Variants in INSR observed in about 807,000 individuals in gnomAD.
The protein encoded by INSR is insulin receptor, also known as IR.
A neutral mutation model predicts 142.6 loss-of-function variants in INSR; 67 were observed. The observed-to-expected ratio is 0.47, with a 90% CI of 0.39 to 0.58. The LOEUF (loss-of-function observed/expected upper bound fraction) is 0.58, where lower values mean the gene tolerates loss of function less well. Ranked by LOEUF, INSR falls within the 20% of genes least tolerant of loss-of-function variation. The pLI is 0.00. For synonymous variants in INSR, 756 were observed against 743.1 expected (o/e 1.02, Z -0.28); for missense variants, 1,248 against 1,833.2 (o/e 0.68, Z 5.83).
At chr19:7,135,359 A>T (rs1340426823) in intron 13 of INSR, among the ~76,000 whole-genome samples, 1 of 106,704 alleles carries the variant, frequency 9.4e-6, no homozygotes, top group East Asian at 2.9e-4. Context: ...CTTGTCACCC[A>T]GGCTGGAGTG....
rs1356047286 is a variant in INSR, at chr19:7,150,470, A to AC, written c.2267+26dup. The AC allele has an allele frequency of 6.2e-7, 1 of 1,612,456 alleles. No individual in the cohort carries two copies. The highest frequency in any genetic ancestry group is 1.3e-5 in the African/African-American group (1 of 74,930). Reference sequence around the variant, plus strand: ...GCCGCCGGCCCTGCGCGGAGCAGGCACCAGGGGTCGCACAGGTGAGTCATA... The same window carrying AC: ...GCCGCCGGCCCTGCGCGGAGCAGGCACCCAGGGGTCGCACAGGTGAGTCATA... On this transcript the variant is annotated intron_variant, in intron 11 of 21. Coordinates refer to ENST00000302850, the MANE Select transcript of INSR (RefSeq NM_000208.4). The surrounding 1 kb of genome is among the most constrained non-coding windows in gnomAD (Gnocchi z 4.2).
At chr19:7,202,824 T>C (rs1022291250) in intron 2 of INSR, among the ~76,000 whole-genome samples, 4 of 152,234 alleles carry the variant, frequency 2.6e-5, no homozygotes. Flanking sequence ...TTGTTTTTGT[T>C]TTTTTGGTTT....
chr19:7,117,027 C>T lies in INSR; in HGVS notation c.*29G>A. 1 of 1,580,214 alleles carries T rather than the reference C, an allele frequency of 6.3e-7. No individual in the cohort carries two copies. Among genetic ancestry groups the T allele is most frequent in the Middle Eastern group, 1.7e-4 (1 of 6,010 alleles). Reference sequence around the variant, plus strand: ...CCAGAGGAAAGCGAAAATGGGAACCCCTGCCCGCCCCCGCCACGGTAGGCA... The same window carrying T: ...CCAGAGGAAAGCGAAAATGGGAACCTCTGCCCGCCCCCGCCACGGTAGGCA... On this transcript the variant is annotated 3_prime_UTR_variant, in exon 22 of 22. Transcript: ENST00000302850.
In INSR at chr19:7,243,887, G is replaced by A. The variant is rs542244611; in HGVS notation, c.652+23458C>T. ...AGGAAATCTATTAAACATAGATGTC[G>A]GATAATACCATTGTTAAATATTTAA... On this transcript the variant is annotated intron_variant, in intron 2 of 21. Coordinates refer to ENST00000302850, the MANE Select transcript of INSR (RefSeq NM_000208.4). 9.2e-5 allele frequency among the ~76,000 whole-genome samples: 14 copies of A among 152,192 alleles called. No individual in the cohort carries two copies. The East Asian group carries it at 2.1e-3, about 23-fold the overall frequency.
intron 2 of INSR, among the ~76,000 whole-genome samples, chr19:7,242,718 C>T (rs1976393315): frequency 8.8e-6 from 1 of 113,778 alleles, no homozygotes; most frequent in Non-Finnish European, 1.6e-5. Flanking sequence ...GCCTGGGTGA[C>T]ACAGCGAGAC....
At chr19:7,274,564 G>A (rs1286043969) in intron 1 of INSR, among the ~76,000 whole-genome samples, 1 of 151,964 alleles carries the variant, frequency 6.6e-6, no homozygotes, top group Non-Finnish European at 1.5e-5. Context: ...ACTTTGGGAG[G>A]CCGAGTCGGG....
Position 7,174,704 on chromosome 19 carries a change from G to A in INSR, c.1002C>T (p.Pro334=), listed in dbSNP as rs756804074. Residue 334 remains proline (P), a synonymous_variant, in exon 4 of 22, where the codon CCC becomes CCT. Coordinates refer to ENST00000302850, the MANE Select transcript of INSR (RefSeq NM_000208.4). ...SNLLCTPCLG[P]CPKVCHLLEG... is the part of the protein sequence containing the mutation. ...CTAGGAGGTGGCACACCTTGGGACA[G>A]GGACCCAGGCATGGGGTGCACAGCA... is the stretch of plus-strand genomic sequence containing the variant. The A allele has an allele frequency of 9.9e-6, 16 of 1,614,032 alleles. No homozygotes were observed. In the South Asian group the frequency reaches 1.6e-4, roughly 17 times the overall value.
At position 7,216,997 on chromosome 19, in the gene INSR, T is replaced by C. The variant is rs1360466270; in HGVS notation, c.653-32360A>G. Among the ~76,000 whole-genome samples the C allele has an allele frequency of 8.7e-6, 1 of 114,554 alleles. No individual in the cohort carries two copies. Among genetic ancestry groups the C allele is most frequent in the African/African-American group, 3.3e-5 (1 of 29,980 alleles). 75.2% of individuals were successfully genotyped at this position (114,554 alleles called of 152,430 possible). A position where few individuals can be genotyped will look rare whatever the true frequency, so the allele number is the denominator to read the frequency against. On this transcript the variant is annotated intron_variant, in intron 2 of 21. Transcript: ENST00000302850. This position sits in a 1 kb window ranked among gnomAD's most constrained non-coding sequence, Gnocchi z 4.2. The stretch of plus-strand genomic sequence containing the variant: ...CAGCTAATTTTTCTTCTTCTTCTTC[T>C]TCTTTTTTTTTTTTTTGTAGAGATG...
At chr19:7,158,238 C>T (rs988118742) in intron 9 of INSR, among the ~76,000 whole-genome samples, 6 of 151,932 alleles carry the variant, frequency 3.9e-5, no homozygotes, top group Non-Finnish European at 5.9e-5. Flanking sequence ...CGGTGACTCA[C>T]GCCTGTAATC....
At chr19:7,149,224 T>C (rs1341627307) in intron 11 of INSR, among the ~76,000 whole-genome samples, 1 of 152,202 alleles carries the variant, frequency 6.6e-6, no homozygotes, top group African/African-American at 2.4e-5. Context: ...AGGACTGAGA[T>C]TGAGATCTGC....
At chr19:7,117,453 T>C in intron 21 of INSR, 43 bp from the exon 22 acceptor site, 1 of 1,472,448 alleles carries the variant, frequency 6.8e-7, no homozygotes, top group Middle Eastern at 1.8e-4. Context: ...CTGGGGGCCC[T>C]GCCACGCATC....
intron 1 of INSR, among the ~76,000 whole-genome samples, chr19:7,289,695 T>C (rs1431488040): frequency 6.6e-6 from 1 of 152,074 alleles, no homozygotes. Context: ...CGTGAGCCAC[T>C]GCACCCGGCC....
rs549294266 is a variant in INSR at position 7,259,826 on chromosome 19, A to G, written c.652+7519T>C. ...AGAGCGAGACTCTGTCTCAAAAAAA[A>G]AAAAAAGAAAAAGAAAACAAAATCA... On this transcript the variant is annotated intron_variant, in intron 2 of 21. Coordinates refer to ENST00000302850, the MANE Select transcript of INSR (RefSeq NM_000208.4). Among the ~76,000 whole-genome samples, 187 of 151,900 alleles carry G rather than the reference A, an allele frequency of 1.2e-3. 1 individual carries two copies. Among genetic ancestry groups the G allele is most frequent in the Non-Finnish European group, 9.9e-4 (67 of 67,940 alleles).
intron 2 of INSR, among the ~76,000 whole-genome samples, chr19:7,256,543 T>C (rs1600099953): frequency 6.6e-6 from 1 of 152,026 alleles, no homozygotes; most frequent in East Asian, 1.9e-4. Context: ...AGCAGGTGGA[T>C]TGCTTGGGCC....
chr19:7,154,392 G>A (rs1973532343), intron 9 of INSR, among the ~76,000 whole-genome samples: 2 of 135,016 alleles, frequency 1.5e-5, no homozygotes, highest in Admixed American at 1.6e-4. Flanking sequence ...AAGCTCCACC[G>A]CTTGGGTTCA....
In INSR at chr19:7,119,238, T is replaced by C. The variant is rs1377782259; in HGVS notation, c.3794+211A>G. Among the ~76,000 whole-genome samples the C allele has an allele frequency of 1.3e-5, 2 of 152,192 alleles. No homozygotes were observed. The highest frequency in any genetic ancestry group is 4.8e-5 in the African/African-American group (2 of 41,442). On this transcript the variant is annotated intron_variant, in intron 21 of 21. Coordinates refer to ENST00000302850, the MANE Select transcript of INSR (RefSeq NM_000208.4). This position sits in a 1 kb window ranked among gnomAD's most constrained non-coding sequence, Gnocchi z 5.2. ...CAAACGTAAGCGTACATGTAGCACA[T>C]ATGGGAACTCAAGTGTGTGTACCAC...
At chr19:7,286,501 C>T (rs1968348117) in intron 1 of INSR, among the ~76,000 whole-genome samples, 1 of 151,862 alleles carries the variant, frequency 6.6e-6, no homozygotes, top group East Asian at 2.0e-4. Flanking sequence ...GATCCTCCCA[C>T]CTCAGCCTCC....
chr19:7,187,793 G>A (rs960150518), intron 2 of INSR, among the ~76,000 whole-genome samples: 7 of 151,696 alleles, frequency 4.6e-5, no homozygotes, highest in East Asian at 1.9e-4. Flanking sequence ...GGCTGGTCTC[G>A]AACTCCTGGC....
Position 7,220,749 on chromosome 19 carries a change from A to G in INSR, c.653-36112T>C, listed in dbSNP as rs541122834. On this transcript the variant is annotated intron_variant, in intron 2 of 21. Coordinates refer to ENST00000302850, the MANE Select transcript of INSR (RefSeq NM_000208.4). ...CTTAGCACAGGGTCTAGTATTTGGTAAGTCTGCCACACATCGGCAATTATT... is the reference window on the plus strand; with the variant it reads ...CTTAGCACAGGGTCTAGTATTTGGTGAGTCTGCCACACATCGGCAATTATT... Among the ~76,000 whole-genome samples the G allele has an allele frequency of 3.4e-4, 52 of 152,328 alleles. No individual in the cohort carries two copies. The South Asian group carries it at 0.011, about 32-fold the overall frequency.
Sources: gnomAD v4.1 joint callset for allele counts (sites outside exome capture counted in the v4.1 genomes callset) on GRCh38, gnomAD v4.1.1 for gene constraint, Gnocchi (gnomAD v3.1) non-coding constraint, MANE v1.5 for transcripts, NCBI Gene and HGNC (gene_info 2026-07-23, HGNC 2026-07-21) for gene names.